Variants in KCNMB2 observed in about 807,000 individuals in gnomAD.
KCNMB2 encodes potassium calcium-activated channel subfamily M regulatory beta subunit 2.
In KCNMB2, 9 loss-of-function variants were observed where a neutral mutation model predicts 24.5. That is an observed-to-expected ratio of 0.37 (90% CI 0.22 to 0.64). The LOEUF is 0.64. Among genes scored for constraint, KCNMB2 ranks in the 30% least tolerant of loss-of-function variants. The probability of loss-of-function intolerance (pLI) is 0.63; values close to 1 mark genes in which losing one functional copy is unlikely to be tolerated. For missense variants in KCNMB2, 226 were observed against 284.3 expected (o/e 0.79, Z 1.47); for synonymous variants, 109 against 104.4 (o/e 1.04, Z -0.27).
intron 2 of KCNMB2, among the ~76,000 whole-genome samples, chr3:178,824,374 CT>C (rs887791690): frequency 2.9e-4 from 43 of 149,110 alleles, no homozygotes; most frequent in African/African-American, 8.9e-4. Flanking sequence ...CACTCATTGT[CT>C]TTTTTTTTTC....
At chr3:178,761,147 C>T (rs1711857501) in intron 1 of KCNMB2, among the ~76,000 whole-genome samples, 1 of 152,112 alleles carries the variant, frequency 6.6e-6, no homozygotes, top group South Asian at 2.1e-4. Context: ...TCTGAATGAA[C>T]TTTAACTTCA....
intron 1 of KCNMB2, among the ~76,000 whole-genome samples, chr3:178,796,787 A>G (rs1713561487): frequency 6.6e-6 from 1 of 152,160 alleles, no homozygotes; most frequent in Admixed American, 6.5e-5. Context: ...AAACACCTAC[A>G]TCAAAAAAGT....
At chr3:178,774,520 A>C (rs1474581036) in intron 1 of KCNMB2, among the ~76,000 whole-genome samples, 1 of 152,198 alleles carries the variant, frequency 6.6e-6, no homozygotes, top group Non-Finnish European at 1.5e-5. Flanking sequence ...GTGGGAAGTT[A>C]CATGGAGATG....
chr3:178,770,814 T>A (rs1259775971), intron 1 of KCNMB2, among the ~76,000 whole-genome samples: 1 of 152,204 alleles, frequency 6.6e-6, no homozygotes, highest in Non-Finnish European at 1.5e-5. Flanking sequence ...TGTATTAGCT[T>A]CACCTAAGAG....
At chr3:178,552,502 T>C (rs1163627315) in intron 1 of KCNMB2, among the ~76,000 whole-genome samples, 1 of 152,156 alleles carries the variant, frequency 6.6e-6, no homozygotes, top group East Asian at 1.9e-4. Context: ...CATAACTGTA[T>C]ATCAATGGTA....
intron 1 of KCNMB2, among the ~76,000 whole-genome samples, chr3:178,755,976 A>T (rs1411644032): frequency 1.3e-5 from 2 of 152,188 alleles, no homozygotes; most frequent in Non-Finnish European, 2.9e-5. Flanking sequence ...GGGTTCAGGC[A>T]CTGCTGAGGA....
Position 178,828,168 on chromosome 3 carries a change from T to C in KCNMB2, c.228-10T>C, listed in dbSNP as rs749090848. ...TGGGCCTGTGTTTACTCTCACCCCTTTCTCTGCAGCGTGTGGACCGAAGAG... is the reference window on the plus strand; with the variant it reads ...TGGGCCTGTGTTTACTCTCACCCCTCTCTCTGCAGCGTGTGGACCGAAGAG... On this transcript the variant is annotated splice_polypyrimidine_tract_variant and intron_variant, in intron 3 of 4. Transcript: ENST00000452583. 1.9e-6 allele frequency: 3 copies of C among 1,609,552 alleles called. No individual in the cohort carries two copies. In the South Asian group the frequency reaches 3.3e-5, roughly 18 times the overall value.
At chr3:178,731,039 C>T (rs1025239669) in intron 1 of KCNMB2, among the ~76,000 whole-genome samples, 12 of 151,456 alleles carry the variant, frequency 7.9e-5, no homozygotes, top group South Asian at 4.2e-4. Flanking sequence ...GTGGAAGAGA[C>T]ATACGATATA....
intron 1 of KCNMB2, among the ~76,000 whole-genome samples, chr3:178,548,462 A>T (rs1715845913): frequency 1.3e-5 from 2 of 152,200 alleles, no homozygotes; most frequent in African/African-American, 4.8e-5. Context: ...GTGAATTTCT[A>T]GCCTAATCCT....
chr3:178,541,529 T>C (rs765105608), intron 1 of KCNMB2, among the ~76,000 whole-genome samples: 22 of 152,230 alleles, frequency 1.4e-4, no homozygotes, highest in African/African-American at 3.6e-4. Flanking sequence ...TCATGGTCTG[T>C]TAAACAGTGA....
intron 1 of KCNMB2, among the ~76,000 whole-genome samples, chr3:178,745,183 C>T (rs1723623646): frequency 6.6e-6 from 1 of 152,034 alleles, no homozygotes; most frequent in Non-Finnish European, 1.5e-5. Context: ...AAAGACATAC[C>T]CAAGACGGGG....
chr3:178,755,762 T>C (rs746187177), intron 1 of KCNMB2, among the ~76,000 whole-genome samples: 5 of 152,228 alleles, frequency 3.3e-5, no homozygotes, highest in Non-Finnish European at 7.3e-5. Flanking sequence ...CATGGCTGTA[T>C]CAACTACAAT....
At chr3:178,700,181 C>A (rs1467409433) in intron 1 of KCNMB2, among the ~76,000 whole-genome samples, 1 of 152,174 alleles carries the variant, frequency 6.6e-6, no homozygotes. Context: ...GATATAATTA[C>A]ATTAATTTTA....
At chr3:178,800,274 T>G (rs1235997237) in intron 1 of KCNMB2, among the ~76,000 whole-genome samples, 1 of 152,096 alleles carries the variant, frequency 6.6e-6, no homozygotes, top group Non-Finnish European at 1.5e-5. Context: ...CTGCAATCTA[T>G]CCATCTGACA....
At chr3:178,568,880 A>C (rs1716661228) in intron 1 of KCNMB2, among the ~76,000 whole-genome samples, 1 of 151,036 alleles carries the variant, frequency 6.6e-6, no homozygotes, top group South Asian at 2.1e-4. Flanking sequence ...AGATAGATAG[A>C]TAGATAGATA....
chr3:178,551,081 T>G (rs1183878050), intron 1 of KCNMB2, among the ~76,000 whole-genome samples: 1 of 152,076 alleles, frequency 6.6e-6, no homozygotes, highest in East Asian at 1.9e-4. Context: ...ACTGAGCAAG[T>G]GGTGAGGATG....
chr3:178,735,733 T>C (rs1723293696), intron 1 of KCNMB2, among the ~76,000 whole-genome samples: 1 of 152,232 alleles, frequency 6.6e-6, no homozygotes, highest in South Asian at 2.1e-4. Flanking sequence ...AATTGTTTCA[T>C]GGTTATTGTT....
intron 1 of KCNMB2, among the ~76,000 whole-genome samples, chr3:178,801,428 A>C (rs1264954571): frequency 6.6e-6 from 1 of 152,132 alleles, no homozygotes; most frequent in Non-Finnish European, 1.5e-5. Flanking sequence ...TCTGCAATGC[A>C]CTCTTCTTTT....
intron 1 of KCNMB2, among the ~76,000 whole-genome samples, chr3:178,798,180 G>T (rs1468240750): frequency 6.6e-6 from 1 of 152,118 alleles, no homozygotes; most frequent in African/African-American, 2.4e-5. Context: ...TGTTGAATAG[G>T]AGTGGTGAGA....
Sources: gnomAD v4.1 joint callset for allele counts (sites outside exome capture counted in the v4.1 genomes callset) on GRCh38, gnomAD v4.1.1 for gene constraint, MANE v1.5 for transcripts, NCBI Gene and HGNC (gene_info 2026-07-23, HGNC 2026-07-21) for gene names.